Variants in UNC93A observed in about 807,000 individuals in gnomAD.
The protein encoded by UNC93A is unc-93 homolog A.
Under a neutral mutation model 47.5 loss-of-function variants are expected in UNC93A, and 43 were observed. That is an observed-to-expected ratio of 0.91 (90% CI 0.71 to 1.17). The LOEUF (loss-of-function observed/expected upper bound fraction) is 1.17, where lower values mean the gene tolerates loss of function less well. Ranked by LOEUF, UNC93A falls within the 50% of genes most tolerant of loss-of-function variation. The pLI is 0.00. For missense variants in UNC93A, 605 were observed against 577.6 expected, an observed-to-expected ratio of 1.05 and a Z score of -0.49; for synonymous variants, 280 against 258.0, an observed-to-expected ratio of 1.09 and a Z score of -0.82.
chr6:167,275,264 G>T (rs1328202669), intron 1 of UNC93A, among the ~76,000 whole-genome samples: 2 of 152,206 alleles, frequency 1.3e-5, no homozygotes, highest in Non-Finnish European at 2.9e-5. Context: ...TCCTCCTCTG[G>T]CAGGATGGCC....
intron 1 of UNC93A, among the ~76,000 whole-genome samples, chr6:167,292,179 A>C (rs928168028): frequency 2.0e-5 from 3 of 152,160 alleles, no homozygotes; most frequent in African/African-American, 7.2e-5. Flanking sequence ...GTTACATTTC[A>C]AGTCTGATCT....
chr6:167,294,406 G>A (rs918689478), intron 1 of UNC93A, 111 bp from the exon 2 acceptor site: 45 of 1,298,474 alleles, frequency 3.5e-5, no homozygotes, highest in Middle Eastern at 2.3e-4. Flanking sequence ...TGTGGCTGGC[G>A]GTTCCTGGGA....
At chr6:167,275,085 AGGAGCTGACC>A (rs1440396904) in intron 1 of UNC93A, among the ~76,000 whole-genome samples, 1 of 152,202 alleles carries the variant, frequency 6.6e-6, no homozygotes, top group East Asian at 1.9e-4. Flanking sequence ...CTCCTTCCAT[AGGAGCTGACC>A]GTGGCATCTG....
rs753446344 is a variant in UNC93A, at chr6:167,315,292, T to C, written c.1214T>C (p.Leu405Ser). Residue 405 changes from leucine to serine, a missense_variant, in exon 8 of 8, where the codon TTG becomes TCG. By Grantham distance (145) the Leu-to-Ser change is moderately radical (BLOSUM62 -2). Coordinates refer to ENST00000230256, the MANE Select transcript of UNC93A (RefSeq NM_018974.4). Reference sequence around the variant, plus strand: ...ATTGCCTTCGGGTACAGCATGTTTTTGTGCGTGCACGTCAAGCTCTACATT... The same window carrying C: ...ATTGCCTTCGGGTACAGCATGTTTTCGTGCGTGCACGTCAAGCTCTACATT... Reference protein sequence around the residue: ...FVIAFGYSMFLCVHVKLYILL... With the variant: ...FVIAFGYSMFSCVHVKLYILL... The C allele has an allele frequency of 6.2e-7, 1 of 1,613,676 alleles. No individual in the cohort carries two copies. Among genetic ancestry groups the C allele is most frequent in the Non-Finnish European group, 8.5e-7 (1 of 1,179,788 alleles).
At chr6:167,301,036 T>C (rs769400302) in intron 4 of UNC93A, among the ~76,000 whole-genome samples, 9 of 152,236 alleles carry the variant, frequency 5.9e-5, no homozygotes, top group Non-Finnish European at 1.3e-4. Flanking sequence ...TGTAAGCAAA[T>C]GAGCATGCCT....
At chr6:167,275,281 C>T (rs1783520453) in intron 1 of UNC93A, among the ~76,000 whole-genome samples, 1 of 152,220 alleles carries the variant, frequency 6.6e-6, no homozygotes, top group South Asian at 2.1e-4. Context: ...GGCCGCTGGC[C>T]CACACAGCAC....
upstream of UNC93A, among the ~76,000 whole-genome samples, chr6:167,270,404 G>T (rs1783432959): frequency 6.6e-6 from 1 of 152,064 alleles, no homozygotes; most frequent in South Asian, 2.1e-4. Flanking sequence ...GGGGTGCCCA[G>T]AGGTGAACAA....
intron 1 of UNC93A, among the ~76,000 whole-genome samples, chr6:167,279,415 C>T (rs995680959): frequency 6.6e-6 from 1 of 152,212 alleles, no homozygotes; most frequent in Non-Finnish European, 1.5e-5. Context: ...TGAACAGGTT[C>T]TAACATCTGC....
intron 1 of UNC93A, among the ~76,000 whole-genome samples, chr6:167,275,165 C>T (rs1211398113): frequency 1.3e-5 from 2 of 152,160 alleles, no homozygotes; most frequent in African/African-American, 4.8e-5. Context: ...TCACTCTTCT[C>T]ACTTCACACT....
intron 2 of UNC93A, among the ~76,000 whole-genome samples, chr6:167,295,397 C>T (rs917850933): frequency 7.9e-5 from 12 of 151,198 alleles, no homozygotes; most frequent in Non-Finnish European, 1.3e-4. Flanking sequence ...TCGTGCTCCT[C>T]GCCTCCCTCG....
At chr6:167,299,451 G>A (rs1778180979) in intron 4 of UNC93A, among the ~76,000 whole-genome samples, 1 of 152,170 alleles carries the variant, frequency 6.6e-6, no homozygotes, top group Non-Finnish European at 1.5e-5. Context: ...CTCTGAGTGA[G>A]CACTTGTAAA....
intron 1 of UNC93A, among the ~76,000 whole-genome samples, chr6:167,275,022 C>T (rs931206155): frequency 2.0e-5 from 3 of 152,182 alleles, no homozygotes; most frequent in African/African-American, 7.2e-5. Flanking sequence ...CTAAGATGGA[C>T]TGAGTTCTGC....
chr6:167,301,368 G>C (rs930589607), intron 4 of UNC93A, among the ~76,000 whole-genome samples: 3 of 152,226 alleles, frequency 2.0e-5, no homozygotes, highest in Non-Finnish European at 4.4e-5. Flanking sequence ...GATTGTAACA[G>C]TCCTGCAGGA....
chr6:167,274,930 C>T (rs384974), intron 1 of UNC93A, among the ~76,000 whole-genome samples: 106,935 of 152,076 alleles, frequency 0.7, 37,957 homozygotes, highest in African/African-American at 0.8. Context: ...CAGACAAATA[C>T]GTCTCAGACA....
intron 3 of UNC93A, among the ~76,000 whole-genome samples, chr6:167,297,198 T>C (rs968237890): frequency 5.3e-5 from 8 of 152,180 alleles, no homozygotes; most frequent in Non-Finnish European, 1.0e-4. Context: ...TTTCTGCAGG[T>C]GAGTTAGTTC....
intron 3 of UNC93A, among the ~76,000 whole-genome samples, chr6:167,297,464 T>C (rs76537126): frequency 0.026 from 3,942 of 152,298 alleles, 145 homozygotes; most frequent in East Asian, 0.16. Flanking sequence ...ATTCAAATTG[T>C]ATTTTTCTAA....
chr6:167,311,885 CA>C (rs1778563887), intron 7 of UNC93A, among the ~76,000 whole-genome samples: 1 of 150,792 alleles, frequency 6.6e-6, no homozygotes, highest in African/African-American at 2.4e-5. Flanking sequence ...GAGCATCTCA[CA>C]GAGCCACGGC....
At chr6:167,278,355 C>T (rs922682164) in intron 1 of UNC93A, among the ~76,000 whole-genome samples, 2 of 152,178 alleles carry the variant, frequency 1.3e-5, no homozygotes, top group African/African-American at 4.8e-5. Flanking sequence ...GTCCCCAGGG[C>T]CCGTGAGGCC....
chr6:167,314,600 G>A (rs1778640844), intron 7 of UNC93A, among the ~76,000 whole-genome samples: 1 of 152,190 alleles, frequency 6.6e-6, no homozygotes, highest in African/African-American at 2.4e-5. Flanking sequence ...AAGTCTAGCT[G>A]GGAACTGCTT....
Sources: gnomAD v4.1 joint callset for allele counts (sites outside exome capture counted in the v4.1 genomes callset) on GRCh38, gnomAD v4.1.1 for gene constraint, MANE v1.5 for transcripts, NCBI Gene and HGNC (gene_info 2026-07-23, HGNC 2026-07-21) for gene names.